Variants in APMAP observed in about 807,000 individuals in gnomAD.
The protein encoded by APMAP is adipocyte plasma membrane associated protein.
A neutral mutation model predicts 43.6 loss-of-function variants in APMAP; 33 were observed. The observed-to-expected ratio is 0.76, with a 90% CI of 0.57 to 1.01. The LOEUF is 1.01. Among genes scored for constraint, APMAP ranks in the 50% least tolerant of loss-of-function variants. APMAP has a pLI of 0.00. For missense variants in APMAP, 498 were observed against 540.7 expected, an observed-to-expected ratio of 0.92 and a Z score of 0.78; for synonymous variants, 224 against 216.7, an observed-to-expected ratio of 1.03 and a Z score of -0.30.
intron 1 of APMAP, among the ~76,000 whole-genome samples, chr20:24,990,205 A>G (rs896693403): frequency 6.6e-6 from 1 of 152,218 alleles, no homozygotes; most frequent in African/African-American, 2.4e-5. Context: ...ACACTGAATA[A>G]AAGAATTTAC....
intron 3 of APMAP, among the ~76,000 whole-genome samples, chr20:24,977,825 T>A (rs2088063439): frequency 6.6e-6 from 1 of 152,242 alleles, no homozygotes; most frequent in Admixed American, 6.5e-5. Flanking sequence ...AATGCCAATG[T>A]CTTTTTAAGA....
intron 8 of APMAP, 99 bp from the exon 9 acceptor site, chr20:24,964,121 C>T: frequency 8.0e-7 from 1 of 1,252,524 alleles, no homozygotes; most frequent in Non-Finnish European, 1.1e-6. Context: ...CGGTCTGACT[C>T]CTTCCCATGA....
At position 24,978,872 on chromosome 20, in the gene APMAP, G is replaced by A; in HGVS notation, c.223C>T (p.Pro75Ser). ...TGCAGAACACCAAGCAAGAGCGGGGGTTCTTTGAAGCTGCAAAATAATGCA... is the reference window on the plus strand; with the variant it reads ...TGCAGAACACCAAGCAAGAGCGGGGATTCTTTGAAGCTGCAAAATAATGCA... ...IDPQPLSFKE[P>S]PLLLGVLHPN... is the part of the protein sequence containing the mutation. The change falls in exon 3 of 9, where the codon CCC becomes TCC. Residue 75 changes from proline to serine, a missense_variant. Transcript: ENST00000217456. 1.2e-6 allele frequency: 2 copies of A among 1,613,368 alleles called. No homozygotes were observed. The highest frequency in any genetic ancestry group is 1.7e-6 in the Non-Finnish European group (2 of 1,179,364).
At chr20:24,977,931 T>G (rs1263243643) in intron 3 of APMAP, among the ~76,000 whole-genome samples, 1 of 152,238 alleles carries the variant, frequency 6.6e-6, no homozygotes, top group African/African-American at 2.4e-5. Context: ...GGACCAGTCC[T>G]TGGGGCCTGT....
chr20:24,964,027 AG>A lies in APMAP; in HGVS notation c.1042-6del. On this transcript the variant is annotated splice_polypyrimidine_tract_variant and splice_region_variant and intron_variant, in intron 8 of 8. Transcript: ENST00000217456. ...CACCGTCTCTTGACTAAAGAGCTAGAGGGAAGCACAGTGCAGGGAAAGTTCA... is the reference window on the plus strand; with the variant it reads ...CACCGTCTCTTGACTAAAGAGCTAGAGGAAGCACAGTGCAGGGAAAGTTCA... 6.2e-7 allele frequency: 1 copy of A among 1,614,038 alleles called. No individual in the cohort carries two copies. The highest frequency in any genetic ancestry group is 8.5e-7 in the Non-Finnish European group (1 of 1,179,928).
At chr20:24,972,784 G>A (rs2088017027) in intron 4 of APMAP, among the ~76,000 whole-genome samples, 1 of 151,192 alleles carries the variant, frequency 6.6e-6, no homozygotes, top group Non-Finnish European at 1.5e-5. Flanking sequence ...TTACTGTAGG[G>A]TGCTCACCAT....
chr20:24,967,087 C>T (rs192950618), intron 8 of APMAP, among the ~76,000 whole-genome samples: 4 of 152,034 alleles, frequency 2.6e-5, no homozygotes, highest in East Asian at 1.9e-4. Flanking sequence ...TGAGGTCAGG[C>T]GTTCGAGACC....
intron 2 of APMAP, among the ~76,000 whole-genome samples, chr20:24,981,937 C>A (rs184144716): frequency 6.6e-6 from 1 of 152,226 alleles, no homozygotes; most frequent in Non-Finnish European, 1.5e-5. Context: ...GCTGGGATGG[C>A]GTGCATGGGG....
intron 4 of APMAP, 41 bp from the exon 5 acceptor site, chr20:24,971,617 AT>A: frequency 6.7e-7 from 1 of 1,497,570 alleles, no homozygotes. Context: ...CTGGTCCCGG[AT>A]TCTACATGTG....
At chr20:24,984,140 G>T (rs909138931) in intron 1 of APMAP, 121 bp from the exon 2 acceptor site, 6 of 683,196 alleles carry the variant, frequency 8.8e-6, no homozygotes, top group Non-Finnish European at 1.5e-5. Context: ...ACTGCAAGCT[G>T]GCCGACCTCT....
intron 2 of APMAP, 38 bp downstream of exon 2, chr20:24,983,865 G>A: frequency 2.8e-6 from 4 of 1,410,408 alleles, no homozygotes; most frequent in Non-Finnish European, 3.0e-6. Context: ...ATTACATTTT[G>A]TCAAGCAACC....
Position 24,967,107 on chromosome 20 carries a change from A to T in APMAP, c.1041+1785T>A, listed in dbSNP as rs141615569. 2.6e-4 allele frequency among the ~76,000 whole-genome samples: 40 copies of T among 152,302 alleles called. No homozygotes were observed. The East Asian group carries it at 7.2e-3, about 27-fold the overall frequency. Reference sequence around the variant, plus strand: ...TCAGGCGTTCGAGACCAGCCTGGCCAACATGGTGAAAACTCGTCTCTATTA... The same window carrying T: ...TCAGGCGTTCGAGACCAGCCTGGCCTACATGGTGAAAACTCGTCTCTATTA... On this transcript the variant is annotated intron_variant, in intron 8 of 8. Coordinates refer to ENST00000217456, the MANE Select transcript of APMAP (RefSeq NM_020531.3).
chr20:24,980,365 G>A (rs946683281), intron 2 of APMAP, among the ~76,000 whole-genome samples: 1 of 152,222 alleles, frequency 6.6e-6, no homozygotes, highest in African/African-American at 2.4e-5. Flanking sequence ...AGGAAGGAAG[G>A]GAAACCCCAC....
intron 8 of APMAP, among the ~76,000 whole-genome samples, chr20:24,964,866 G>A (rs74808146): frequency 0.029 from 4,411 of 152,150 alleles, 236 homozygotes; most frequent in African/African-American, 0.1. Flanking sequence ...AGACAGACAA[G>A]CTGACTAGAC....
In APMAP at chr20:24,963,251, T is replaced by C. The variant is rs1330372966; in HGVS notation, c.*562A>G. 2 of 154,128 alleles carry C rather than the reference T, an allele frequency of 1.3e-5. No individual in the cohort carries two copies. Among genetic ancestry groups the C allele is most frequent in the Non-Finnish European group, 2.9e-5 (2 of 69,462 alleles). 9.5% of individuals were successfully genotyped at this position (154,128 alleles called of 1,614,324 possible). A position where few individuals can be genotyped will look rare whatever the true frequency, so the allele number is the denominator to read the frequency against. On this transcript the variant is annotated 3_prime_UTR_variant, in exon 9 of 9. Transcript: ENST00000217456. ...GTCAACAAGCTTTTCATACACACTA[T>C]GGAGAGCCCACGCCCCACATAACCC...
Position 24,984,383 on chromosome 20 carries a change from C to G in APMAP, c.96-364G>C, listed in dbSNP as rs2088131093. ...GACATAAATGATACACACTCATCCA[C>G]AGAAAAGGTGGGTAATTCTCAAAAG... On this transcript the variant is annotated intron_variant, in intron 1 of 8. Coordinates refer to ENST00000217456, the MANE Select transcript of APMAP (RefSeq NM_020531.3). Among the ~76,000 whole-genome samples the G allele has an allele frequency of 2.0e-5, 3 of 152,168 alleles. No homozygotes were observed. The South Asian group carries it at 6.2e-4, about 32-fold the overall frequency.
rs139370077 is a variant in APMAP at position 24,980,399 on chromosome 20, C to T, written c.213-1517G>A. 3.6e-3 allele frequency among the ~76,000 whole-genome samples: 549 copies of T among 152,370 alleles called. 4 individuals are homozygous for T. Among genetic ancestry groups the T allele is most frequent in the African/African-American group, 0.013 (531 of 41,592 alleles). On this transcript the variant is annotated intron_variant, in intron 2 of 8. Transcript: ENST00000217456. ...ACCTGGGGCAATTGGTGCCATGCTA[C>T]GATGACAAGCAGAGCTGCCAGCTTC...
At position 24,971,466 on chromosome 20, in the gene APMAP, A is replaced by G. The variant is rs1459691489; in HGVS notation, c.532T>C (p.Trp178Arg). The G allele has an allele frequency of 6.2e-7, 1 of 1,612,912 alleles. No individual in the cohort carries two copies. Among genetic ancestry groups the G allele is most frequent in the Admixed American group, 1.7e-5 (1 of 60,010 alleles). Residue 178 changes from tryptophan (W) to arginine (R), a missense_variant, in exon 5 of 9, where the codon TGG becomes CGG. Trp to Arg is a moderately radical substitution (Grantham distance 101, BLOSUM62 -3). Transcript: ENST00000217456. ...AYKGLFEVNPWKREVKLLLSS... is the reference protein window; with the variant it reads ...AYKGLFEVNPRKREVKLLLSS... ...ACGAGATATTGTCACATACGTTTCC[A>G]GGGATTTACTTCAAATAGTCCCTTG...
intron 1 of APMAP, among the ~76,000 whole-genome samples, chr20:24,987,176 A>G (rs1245363161): frequency 1.3e-5 from 2 of 152,172 alleles, no homozygotes; most frequent in African/African-American, 4.8e-5. Flanking sequence ...AGGCTGGAGT[A>G]CAGTGGCATG....
Sources: gnomAD v4.1 joint callset for allele counts (sites outside exome capture counted in the v4.1 genomes callset) on GRCh38, gnomAD v4.1.1 for gene constraint, MANE v1.5 for transcripts, NCBI Gene and HGNC (gene_info 2026-07-23, HGNC 2026-07-21) for gene names.